Variants in CXADR observed in about 807,000 individuals in gnomAD.
The protein encoded by CXADR is coxsackievirus and adenovirus receptor.
CXADR carries 20 observed loss-of-function variants against 40.3 expected under a neutral mutation model. That is an observed-to-expected ratio of 0.50 (90% CI 0.35 to 0.72). CXADR has a LOEUF of 0.72. Among genes scored for constraint, CXADR ranks in the 30% least tolerant of loss-of-function variants. The pLI, the probability that CXADR is intolerant of heterozygous loss-of-function variation, is 0.01. For synonymous variants in CXADR, 150 were observed against 161.3 expected (o/e 0.93, Z 0.53); for missense variants, 332 against 449.1 (o/e 0.74, Z 2.36).
the CXADR span, chr21:17,599,005 T>C: frequency 9.6e-6 from 5 of 518,398 alleles, no homozygotes; most frequent in African/African-American, 1.9e-5. Context: ...AAACCACAGT[T>C]TTCTACTTCT....
intron 1 of CXADR, among the ~76,000 whole-genome samples, chr21:17,538,291 C>T (rs749154707): frequency 1.3e-4 from 20 of 152,052 alleles, no homozygotes; most frequent in Non-Finnish European, 2.2e-4. Flanking sequence ...TGAGCCACCG[C>T]GCCCAGCAAG....
At chr21:17,533,104 A>G (rs2060699163) in intron 1 of CXADR, among the ~76,000 whole-genome samples, 2 of 152,216 alleles carry the variant, frequency 1.3e-5, no homozygotes, top group African/African-American at 4.8e-5. Flanking sequence ...GAATTAGAAC[A>G]TACTTAGTTA....
chr21:17,608,173 C>T, the CXADR span, among the ~76,000 whole-genome samples: 1 of 152,066 alleles, frequency 6.6e-6, no homozygotes, highest in Non-Finnish European at 1.5e-5. Context: ...TGAAACTCAC[C>T]TGGGTAACAC....
chr21:17,531,936 G>GTT (rs1388315299), intron 1 of CXADR, among the ~76,000 whole-genome samples: 2 of 82,368 alleles, frequency 2.4e-5, no homozygotes, highest in African/African-American at 7.4e-5. Context: ...TTGTTTTTTG[G>GTT]GTTTTTTTTT....
chr21:17,605,273 A>C, the CXADR span: 1 of 254,776 alleles, frequency 3.9e-6, no homozygotes. Context: ...ATGTACATTA[A>C]ATGAGCACGG....
intron 1 of CXADR, 80 bp downstream of exon 1, chr21:17,513,252 G>A: frequency 1.6e-6 from 2 of 1,280,222 alleles, no homozygotes; most frequent in South Asian, 2.4e-5. Context: ...GAACAATGGG[G>A]CGTGGGGGAG....
intron 3 of CXADR, among the ~76,000 whole-genome samples, chr21:17,558,475 C>T (rs1401989606): frequency 6.6e-6 from 1 of 152,062 alleles, no homozygotes; most frequent in African/African-American, 2.4e-5. Context: ...GATGTAAATG[C>T]AGAATGCTAG....
At chr21:17,542,291 G>T (rs957322188) in intron 1 of CXADR, among the ~76,000 whole-genome samples, 1 of 152,090 alleles carries the variant, frequency 6.6e-6, no homozygotes, top group African/African-American at 2.4e-5. Flanking sequence ...GCTTAAATTT[G>T]AAAAAACAAG....
chr21:17,555,440 A>G (rs2061022006), intron 3 of CXADR, among the ~76,000 whole-genome samples: 1 of 152,244 alleles, frequency 6.6e-6, no homozygotes, highest in Admixed American at 6.5e-5. Context: ...CTGAGAGTGG[A>G]TCCATCATCT....
the CXADR span, among the ~76,000 whole-genome samples, chr21:17,630,500 T>C: frequency 6.6e-6 from 1 of 152,200 alleles, no homozygotes; most frequent in Non-Finnish European, 1.5e-5. Context: ...TTTGGTATTA[T>C]GGAATAGCCA....
the CXADR span, among the ~76,000 whole-genome samples, chr21:17,632,182 A>G: frequency 6.6e-6 from 1 of 152,202 alleles, no homozygotes; most frequent in South Asian, 2.1e-4. Flanking sequence ...TTATTTATTT[A>G]TGTATTTCCA....
intron 1 of CXADR, among the ~76,000 whole-genome samples, chr21:17,541,106 T>C (rs1367415067): frequency 6.6e-6 from 1 of 152,052 alleles, no homozygotes; most frequent in Non-Finnish European, 1.5e-5. Context: ...CTTGTTAGGA[T>C]TGATGAACCC....
At chr21:17,521,940 G>A (rs950939311) in intron 1 of CXADR, among the ~76,000 whole-genome samples, 1 of 152,146 alleles carries the variant, frequency 6.6e-6, no homozygotes, top group Non-Finnish European at 1.5e-5. Flanking sequence ...TCTGGATTCC[G>A]TCAACTTTAA....
At chr21:17,534,022 A>G (rs1483322352) in intron 1 of CXADR, among the ~76,000 whole-genome samples, 1 of 129,194 alleles carries the variant, frequency 7.7e-6, no homozygotes, top group African/African-American at 3.0e-5. Context: ...ATATATATAT[A>G]TATATAGCTA....
At position 17,568,806 on chromosome 21, in the gene CXADR, C is replaced by T. The variant is rs557136315; in HGVS notation, c.*3114C>T. The T allele has an allele frequency of 1.0e-6, 1 of 985,182 alleles. No individual in the cohort carries two copies. Among genetic ancestry groups the T allele is most frequent in the East Asian group, 1.1e-4 (1 of 8,780 alleles). 61.0% of individuals were successfully genotyped at this position (985,182 alleles called of 1,614,324 possible). On this transcript the variant is annotated 3_prime_UTR_variant, in exon 7 of 7. Coordinates refer to ENST00000284878, the MANE Select transcript of CXADR (RefSeq NM_001338.5). ...CTCACTCCCCCACCCCCAAAAATGT[C>T]TACTATTCATGACAGTAACCAATTA... is the stretch of plus-strand genomic sequence containing the variant.
chr21:17,573,800 G>A (rs999880717), downstream of CXADR, among the ~76,000 whole-genome samples: 22 of 152,278 alleles, frequency 1.4e-4, no homozygotes, highest in African/African-American at 4.8e-4. Context: ...CCAGTTACTC[G>A]GGAGGCTGAG....
chr21:17,589,311 C>T (rs901891588), intron 7 of CXADR, among the ~76,000 whole-genome samples: 2 of 151,962 alleles, frequency 1.3e-5, no homozygotes, highest in Non-Finnish European at 2.9e-5. Context: ...ACAGATTGTC[C>T]ACAAAACATA....
chr21:17,545,772 G>GT (rs71189545), intron 1 of CXADR, among the ~76,000 whole-genome samples: 8 of 127,136 alleles, frequency 6.3e-5, no homozygotes, highest in East Asian at 2.5e-4. Flanking sequence ...CAACTATTTG[G>GT]TTTTTTTTGT....
intron 1 of CXADR, among the ~76,000 whole-genome samples, chr21:17,539,154 C>T (rs2060796378): frequency 6.6e-6 from 1 of 152,120 alleles, no homozygotes; most frequent in Non-Finnish European, 1.5e-5. Context: ...GGTCACGTCA[C>T]TGAGATAAGG....
Sources: gnomAD v4.1 joint callset for allele counts (sites outside exome capture counted in the v4.1 genomes callset) on GRCh38, gnomAD v4.1.1 for gene constraint, MANE v1.5 for transcripts, NCBI Gene and HGNC (gene_info 2026-07-23, HGNC 2026-07-21) for gene names.